The following PTPRD variants were observed in gnomAD, a reference collection of about 807,000 sequenced individuals.
The protein encoded by PTPRD is protein tyrosine phosphatase receptor type D, also known as receptor-type tyrosine-protein phosphatase delta.
PTPRD carries 34 observed loss-of-function variants against 214.5 expected under a neutral mutation model. The ratio of observed to expected loss-of-function variants is 0.16; its 90% CI spans 0.12 to 0.21. The LOEUF (loss-of-function observed/expected upper bound fraction) is 0.21, where lower values mean the gene tolerates loss of function less well. PTPRD is among the 10% of genes least tolerant of loss of function. PTPRD has a pLI of 1.00. For missense variants in PTPRD, 2,545 were observed against 2,398.7 expected (o/e 1.06, Z -1.27); for synonymous variants, 1,128 against 845.7 (o/e 1.33, Z -5.79).
At chr9:8,516,636 G>A (rs139842895) in intron 21 of PTPRD, among the ~76,000 whole-genome samples, 2 of 152,070 alleles carry the variant, frequency 1.3e-5, no homozygotes, top group African/African-American at 4.8e-5. Context: ...TTAGCAATGA[G>A]TTATGTCTAC....
intron 12 of PTPRD, among the ~76,000 whole-genome samples, chr9:8,716,197 C>A (rs1291774578): frequency 6.6e-6 from 1 of 152,220 alleles, no homozygotes; most frequent in African/African-American, 2.4e-5. Context: ...GGGAGCCTCT[C>A]TCCCCACCCT....
intron 11 of PTPRD, among the ~76,000 whole-genome samples, chr9:8,895,910 G>A (rs1334679798): frequency 1.3e-5 from 2 of 152,296 alleles, no homozygotes; most frequent in African/African-American, 4.8e-5. Flanking sequence ...TGTTAATTCC[G>A]AGGTTCAGCA....
chr9:9,531,887 G>A (rs796481211), intron 8 of PTPRD, among the ~76,000 whole-genome samples: 1 of 151,934 alleles, frequency 6.6e-6, no homozygotes, highest in African/African-American at 2.4e-5. Context: ...ACAGAAGATT[G>A]TAAGTATAGA....
intron 2 of PTPRD, among the ~76,000 whole-genome samples, chr9:10,352,747 T>G (rs1399833210): frequency 1.3e-5 from 2 of 152,010 alleles, no homozygotes; most frequent in African/African-American, 4.8e-5. Context: ...CTCTATATAC[T>G]CACTATAATA....
chr9:9,856,069 A>G (rs2061496692), intron 5 of PTPRD, among the ~76,000 whole-genome samples: 1 of 152,176 alleles, frequency 6.6e-6, no homozygotes, highest in South Asian at 2.1e-4. Flanking sequence ...AGTGGCCCTC[A>G]GTGGGAAGGG....
chr9:9,043,685 C>T (rs911055821), intron 10 of PTPRD, among the ~76,000 whole-genome samples: 3 of 152,206 alleles, frequency 2.0e-5, no homozygotes, highest in Non-Finnish European at 4.4e-5. Flanking sequence ...AGGCGGATCA[C>T]GTGAGGCCAG....
intron 2 of PTPRD, among the ~76,000 whole-genome samples, chr9:10,552,885 G>C (rs2061648304): frequency 6.6e-6 from 1 of 152,094 alleles, no homozygotes. Context: ...TCCTAAATTG[G>C]GTCCCATGAC....
intron 2 of PTPRD, among the ~76,000 whole-genome samples, chr9:10,480,890 T>G (rs1589133201): frequency 6.6e-6 from 1 of 152,178 alleles, no homozygotes; most frequent in South Asian, 2.1e-4. Context: ...AAGACACTAG[T>G]ATTCCTGATA....
At chr9:9,776,481 G>A (rs577292769) in intron 5 of PTPRD, among the ~76,000 whole-genome samples, 1 of 152,086 alleles carries the variant, frequency 6.6e-6, no homozygotes, top group African/African-American at 2.4e-5. Context: ...CTAGCATCTA[G>A]CATAATGCCT....
chr9:10,285,131 C>A (rs2095300961), intron 3 of PTPRD, among the ~76,000 whole-genome samples: 1 of 152,096 alleles, frequency 6.6e-6, no homozygotes, highest in Non-Finnish European at 1.5e-5. Flanking sequence ...GTTATTAACT[C>A]TAAGAATCTC....
At chr9:10,068,519 G>A (rs970715118) in intron 3 of PTPRD, among the ~76,000 whole-genome samples, 1 of 151,858 alleles carries the variant, frequency 6.6e-6, no homozygotes, top group African/African-American at 2.4e-5. Context: ...ACGTAATATG[G>A]GAATATGTCA....
chr9:9,370,661 G>C (rs1303379272), intron 9 of PTPRD, among the ~76,000 whole-genome samples: 1 of 151,784 alleles, frequency 6.6e-6, no homozygotes, highest in Admixed American at 6.6e-5. Context: ...GAATAGGAGT[G>C]GTGAGAGAGG....
At chr9:8,960,542 A>G (rs1377610511) in intron 11 of PTPRD, among the ~76,000 whole-genome samples, 1 of 152,136 alleles carries the variant, frequency 6.6e-6, no homozygotes, top group Non-Finnish European at 1.5e-5. Flanking sequence ...AGATAGAAGA[A>G]GATGTCGTGC....
chr9:9,405,421 G>T (rs2072897012), intron 8 of PTPRD, among the ~76,000 whole-genome samples: 1 of 151,950 alleles, frequency 6.6e-6, no homozygotes, highest in Non-Finnish European at 1.5e-5. Flanking sequence ...AAGAAATCAG[G>T]TGAAAATAAG....
At chr9:9,476,539 C>G (rs370420736) in intron 8 of PTPRD, among the ~76,000 whole-genome samples, 11 of 152,084 alleles carry the variant, frequency 7.2e-5, no homozygotes, top group African/African-American at 9.7e-5. Flanking sequence ...TGACAGAAAA[C>G]TCATTGATGT....
intron 2 of PTPRD, among the ~76,000 whole-genome samples, chr9:10,373,160 ATT>A (rs1565614991): frequency 8.1e-5 from 12 of 147,490 alleles, no homozygotes; most frequent in African/African-American, 2.5e-4. Context: ...AAAAAAAAAA[ATT>A]GATGAAGTTT....
At chr9:9,387,399 A>T (rs541631925) in intron 9 of PTPRD, among the ~76,000 whole-genome samples, 5 of 152,248 alleles carry the variant, frequency 3.3e-5, no homozygotes, top group Admixed American at 6.5e-5. Flanking sequence ...TTCTTTTGAA[A>T]TTAAAATAAA....
At chr9:9,232,883 A>G (rs758098615) in intron 9 of PTPRD, among the ~76,000 whole-genome samples, 18 of 152,240 alleles carry the variant, frequency 1.2e-4, no homozygotes, top group Non-Finnish European at 1.9e-4. Context: ...AAGGCCAGTC[A>G]TAAAAACTAG....
At position 9,779,285 on chromosome 9, in the gene PTPRD, A is replaced by G. The variant is rs146380284; in HGVS notation, c.-367-12434T>C. On this transcript the variant is annotated intron_variant, in intron 5 of 45. Coordinates refer to ENST00000381196, the MANE Select transcript of PTPRD (RefSeq NM_002839.4). ...AAACCTAGAAAATACACTTCCAGAC[A>G]TTGGCTTTGACAAAAAAAATTTGGC... 2.9e-3 allele frequency among the ~76,000 whole-genome samples: 448 copies of G among 152,102 alleles called. 3 individuals are homozygous for G. The highest frequency in any genetic ancestry group is 0.01 in the African/African-American group (430 of 41,518).
Sources: allele counts gnomAD v4.1 joint callset (sites outside exome capture counted in the v4.1 genomes callset), GRCh38; gene constraint gnomAD v4.1.1; transcripts MANE v1.5; gene names NCBI Gene and HGNC (gene_info 2026-07-23, HGNC 2026-07-21).